Variants in IL17D observed in about 807,000 individuals in gnomAD.
IL17D encodes interleukin-17D.
A neutral mutation model predicts 5.7 loss-of-function variants in IL17D; 10 were observed. That is an observed-to-expected ratio of 1.75 (90% CI 1.08 to 2.97). IL17D has a LOEUF of 2.97. Among genes scored for constraint, IL17D ranks in the 30% most tolerant of loss-of-function variants. The pLI, the probability that IL17D is intolerant of heterozygous loss-of-function variation, is 0.00. For missense variants in IL17D, 354 were observed against 292.7 expected, an observed-to-expected ratio of 1.21 and a Z score of -1.53; for synonymous variants, 172 against 141.7, an observed-to-expected ratio of 1.21 and a Z score of -1.52.
At chr13:20,703,449 G>A (rs538811807), upstream of IL17D, 3 of 983,910 alleles carry the variant, frequency 3.0e-6, no homozygotes, top group Non-Finnish European at 2.4e-6. Context: ...CCCCGGGTAC[G>A]AGGAAAGACC....
At chr13:20,705,918 G>A (rs1456854227) in intron 1 of IL17D, among the ~76,000 whole-genome samples, 11 of 152,230 alleles carry the variant, frequency 7.2e-5, no homozygotes. Context: ...GCTGTGGAGA[G>A]TCAGAGGAAA....
At chr13:20,719,274 C>T (rs2058713231) in intron 1 of IL17D, among the ~76,000 whole-genome samples, 1 of 150,598 alleles carries the variant, frequency 6.6e-6, no homozygotes, top group Non-Finnish European at 1.5e-5. Context: ...CACACCCCCA[C>T]ACCTGCCCAC....
intron 1 of IL17D, among the ~76,000 whole-genome samples, chr13:20,721,080 C>T (rs1410147757): frequency 6.6e-6 from 1 of 152,164 alleles, no homozygotes; most frequent in Non-Finnish European, 1.5e-5. Context: ...TGGCACTTGG[C>T]ACCAAATCTC....
chr13:20,707,188 G>A (rs2058597419), intron 1 of IL17D, among the ~76,000 whole-genome samples: 1 of 152,034 alleles, frequency 6.6e-6, no homozygotes, highest in Non-Finnish European at 1.5e-5. Context: ...ACCCAGCCAG[G>A]CCCAGTGGCT....
chr13:20,713,735 C>CA (rs2058658432), intron 1 of IL17D: 1 of 152,176 alleles, frequency 6.6e-6, no homozygotes, highest in Non-Finnish European at 1.5e-5. Flanking sequence ...GGAAGTTCCC[C>CA]ACATGCCATG....
chr13:20,704,820 C>G (rs1435540177), intron 1 of IL17D, among the ~76,000 whole-genome samples: 1 of 151,986 alleles, frequency 6.6e-6, no homozygotes, highest in African/African-American at 2.4e-5. Flanking sequence ...CGGTACTATC[C>G]ACATATTTCC....
In IL17D at chr13:20,704,058, G is replaced by T; in HGVS notation, c.57G>T (p.Pro19=). ...CGCCGAGCTGGGCCGCGGGCGCCCCGAGGGCGGGCAGGCGCCCCGCGCGGC... is the reference window on the plus strand; with the variant it reads ...CGCCGAGCTGGGCCGCGGGCGCCCCTAGGGCGGGCAGGCGCCCCGCGCGGC... ...ALPPSWAAGA[P]RAGRRPARPR... Residue 19 remains proline (P), a synonymous_variant, in exon 1 of 2, where the codon CCG becomes CCT. Transcript: ENST00000682841. 1 of 1,074,182 alleles carries T rather than the reference G, an allele frequency of 9.3e-7. No homozygotes were observed. The highest frequency in any genetic ancestry group is 4.3e-5 in the South Asian group (1 of 23,104). The allele number at this position is 1,074,182 out of a possible 1,614,324, so 66.5% of individuals were successfully genotyped here.
chr13:20,721,464 G>GT (rs1172313761), intron 1 of IL17D, among the ~76,000 whole-genome samples, 172 bp from the exon 2 acceptor site: 1 of 152,266 alleles, frequency 6.6e-6, no homozygotes, highest in African/African-American at 2.4e-5. Flanking sequence ...CATTTCAAAT[G>GT]TAAGGAAGCG....
intron 1 of IL17D, among the ~76,000 whole-genome samples, chr13:20,709,495 A>G (rs905999474): frequency 6.6e-6 from 1 of 152,218 alleles, no homozygotes; most frequent in African/African-American, 2.4e-5. Flanking sequence ...TCACCAATAC[A>G]AAGCGGGGAA....
chr13:20,715,261 G>T (rs961237221), intron 1 of IL17D, among the ~76,000 whole-genome samples: 9 of 47,236 alleles, frequency 1.9e-4, no homozygotes, highest in African/African-American at 4.6e-4. Context: ...CAGAATCTCT[G>T]GGGGTGGGGG....
chr13:20,703,372 G>A (rs2058559482), upstream of IL17D: 2 of 986,248 alleles, frequency 2.0e-6, no homozygotes, highest in Non-Finnish European at 1.2e-6. Context: ...GAGGCGAAAG[G>A]TGCAGAGTCG....
intron 1 of IL17D, among the ~76,000 whole-genome samples, chr13:20,710,471 A>AAAAT (rs1428940536): frequency 4.0e-5 from 6 of 149,706 alleles, no homozygotes; most frequent in African/African-American, 1.5e-4. Context: ...AAAAAAAAAA[A>AAAAT]ATACGAAATT....
chr13:20,721,046 C>G (rs904186992), intron 1 of IL17D, among the ~76,000 whole-genome samples: 2 of 152,170 alleles, frequency 1.3e-5, no homozygotes, highest in African/African-American at 4.8e-5. Flanking sequence ...CCTGAGCCCC[C>G]GAACCTCACA....
chr13:20,713,868 A>G (rs1329946514), intron 1 of IL17D: 1 of 152,334 alleles, frequency 6.6e-6, no homozygotes, highest in African/African-American at 2.4e-5. Flanking sequence ...TTCCGGAATT[A>G]AAGAGTCCAG....
At chr13:20,710,674 T>C (rs1487176579) in intron 1 of IL17D, among the ~76,000 whole-genome samples, 1 of 142,918 alleles carries the variant, frequency 7.0e-6, no homozygotes, top group East Asian at 2.1e-4. Flanking sequence ...GATAAACACC[T>C]ACCAGTACAG....
Position 20,721,796 on chromosome 13 carries a change from G to A in IL17D, c.451G>A (p.Gly151Ser), listed in dbSNP as rs1219989830. ...CCTGCGCCGCACCCCCGCCTGCGCCGGCGGCCGTTCCGTCTACACCGAGGC... is the reference window on the plus strand; with the variant it reads ...CCTGCGCCGCACCCCCGCCTGCGCCAGCGGCCGTTCCGTCTACACCGAGGC... ...VVLRRTPACA[G>S]GRSVYTEAYV... is the part of the protein sequence containing the mutation. The change falls in exon 2 of 2, where the codon GGC becomes AGC. Residue 151 changes from glycine to serine, a missense_variant. Gly to Ser is a moderately conservative substitution (Grantham distance 56, BLOSUM62 0). Transcript: ENST00000682841. 1 of 1,609,808 alleles carries A rather than the reference G, an allele frequency of 6.2e-7. No individual in the cohort carries two copies. Among genetic ancestry groups the A allele is most frequent in the Non-Finnish European group, 8.5e-7 (1 of 1,179,754 alleles).
chr13:20,702,478 T>C (rs1414566012), upstream of IL17D: 1 of 151,538 alleles, frequency 6.6e-6, no homozygotes, highest in African/African-American at 2.4e-5. Flanking sequence ...GATGGGTTGT[T>C]TATTTTCAAA....
intron 1 of IL17D, among the ~76,000 whole-genome samples, chr13:20,714,733 T>C (rs1385155737): frequency 4.6e-5 from 7 of 152,230 alleles, no homozygotes; most frequent in Non-Finnish European, 8.8e-5. Context: ...TATCCCAGGC[T>C]GATTTTTCCA....
chr13:20,708,169 T>G (rs992885176), intron 1 of IL17D, among the ~76,000 whole-genome samples: 3 of 152,230 alleles, frequency 2.0e-5, no homozygotes, highest in Non-Finnish European at 4.4e-5. Context: ...TGCCTTGGCT[T>G]CCTAAAGTGC....
Sources: allele counts gnomAD v4.1 joint callset (sites outside exome capture counted in the v4.1 genomes callset), GRCh38; gene constraint gnomAD v4.1.1; transcripts MANE v1.5; gene names NCBI Gene and HGNC (gene_info 2026-07-23, HGNC 2026-07-21).